Variants in DPYD observed in about 807,000 individuals in gnomAD.
DPYD encodes dihydropyrimidine dehydrogenase [NADP(+)].
DPYD carries 109 observed loss-of-function variants against 116.2 expected under a neutral mutation model. The ratio of observed to expected loss-of-function variants is 0.94; its 90% CI spans 0.80 to 1.10. The LOEUF (loss-of-function observed/expected upper bound fraction) is 1.10, where lower values mean the gene tolerates loss of function less well. Ranked by LOEUF, DPYD falls within the 50% of genes least tolerant of loss-of-function variation. DPYD has a pLI of 0.00. For missense variants in DPYD, 1,302 were observed against 1,254.5 expected, an observed-to-expected ratio of 1.04 and a Z score of -0.57; for synonymous variants, 440 against 432.0, an observed-to-expected ratio of 1.02 and a Z score of -0.23.
chr1:97,563,256 T>C (rs535432342), intron 11 of DPYD, among the ~76,000 whole-genome samples: 42 of 152,328 alleles, frequency 2.8e-4, no homozygotes, highest in African/African-American at 8.7e-4. Flanking sequence ...TTCACCAGCA[T>C]GTTAGGTTTC....
chr1:97,445,664 C>T (rs1676038642), intron 14 of DPYD, among the ~76,000 whole-genome samples: 1 of 151,970 alleles, frequency 6.6e-6, no homozygotes, highest in Non-Finnish European at 1.5e-5. Flanking sequence ...AACCTGCTTC[C>T]TAGCCCACAG....
intron 2 of DPYD, among the ~76,000 whole-genome samples, chr1:97,849,353 T>C (rs189864763): frequency 2.3e-4 from 35 of 152,340 alleles, no homozygotes; most frequent in Non-Finnish European, 4.3e-4. Context: ...GTATATGTAT[T>C]TCCTGAATTC....
intron 11 of DPYD, among the ~76,000 whole-genome samples, chr1:97,552,226 G>T (rs2102095887): frequency 6.6e-6 from 1 of 152,034 alleles, no homozygotes; most frequent in East Asian, 1.9e-4. Context: ...TACACTTCAG[G>T]CCTCATAAAA....
chr1:97,601,081 T>C (rs908798718), intron 8 of DPYD, among the ~76,000 whole-genome samples: 9 of 152,250 alleles, frequency 5.9e-5, no homozygotes, highest in South Asian at 2.1e-4. Flanking sequence ...TCAGACAGCA[T>C]TGACCTAGGG....
rs1462336157 is a variant in DPYD, at chr1:97,373,536, TAGTGGC to T, written c.2058+19_2058+24del. On this transcript the variant is annotated intron_variant, in intron 16 of 22. Transcript: ENST00000370192. The stretch of plus-strand genomic sequence containing the variant: ...GCCTGTTATGTCACACTGACATACT[TAGTGGC>T]AGCTGTCAAGGTCCTTACCTGCCCA... The T allele has an allele frequency of 6.2e-7, 1 of 1,603,106 alleles. No individual in the cohort carries two copies. The highest frequency in any genetic ancestry group is 1.3e-5 in the African/African-American group (1 of 74,712).
intron 1 of DPYD, among the ~76,000 whole-genome samples, chr1:97,920,179 G>C (rs1419063723): frequency 6.6e-6 from 1 of 152,120 alleles, no homozygotes; most frequent in Non-Finnish European, 1.5e-5. Context: ...ATACTAGAGA[G>C]AAAGGAAATG....
At chr1:97,643,966 G>A (rs1020370070) in intron 8 of DPYD, among the ~76,000 whole-genome samples, 1 of 152,042 alleles carries the variant, frequency 6.6e-6, no homozygotes, top group African/African-American at 2.4e-5. Context: ...ATAGCATTAG[G>A]AGAAATACCT....
intron 10 of DPYD, among the ~76,000 whole-genome samples, chr1:97,584,967 T>TAATAATAAA (rs1653988255): frequency 6.7e-6 from 1 of 149,280 alleles, no homozygotes; most frequent in Admixed American, 6.7e-5. Context: ...ATAATAATAA[T>TAATAATAAA]AAAGAAATAA....
Position 97,234,899 on chromosome 1 carries a change from CAG to C in DPYD, c.2393_2394del (p.Ser798CysfsTer2). 3 of 1,614,014 alleles carry C rather than the reference CAG, an allele frequency of 1.9e-6. No homozygotes were observed. Among genetic ancestry groups the C allele is most frequent in the Non-Finnish European group, 2.5e-6 (3 of 1,179,970 alleles). On this transcript the variant is annotated frameshift_variant, in exon 19 of 23. Transcript: ENST00000370192. LOFTEE classifies it high-confidence loss of function. The part of the protein sequence containing the change: ...FPILATGGID[S>X]AESGLQFLHS... ...TGGAGAAACTGAAGACCACTTTCAG[CAG>C]AGTCAATTCCACCAGTAGCCAAAAT...
chr1:97,888,294 C>A (rs1446501152), intron 1 of DPYD, among the ~76,000 whole-genome samples: 1 of 151,794 alleles, frequency 6.6e-6, no homozygotes, highest in East Asian at 1.9e-4. Context: ...AAAGACAGAT[C>A]AAGAGAGATT....
At chr1:97,182,482 A>G (rs1657712383) in intron 20 of DPYD, among the ~76,000 whole-genome samples, 1 of 152,122 alleles carries the variant, frequency 6.6e-6, no homozygotes, top group South Asian at 2.1e-4. Context: ...TGATCTGACT[A>G]CAATCATAGA....
intron 4 of DPYD, among the ~76,000 whole-genome samples, chr1:97,726,563 T>C (rs1286927594): frequency 1.3e-5 from 2 of 151,532 alleles, no homozygotes; most frequent in African/African-American, 2.4e-5. Flanking sequence ...ACAGAAACAC[T>C]TGATGTGATT....
chr1:97,385,662 T>C (rs1672302620), intron 14 of DPYD, among the ~76,000 whole-genome samples: 1 of 151,978 alleles, frequency 6.6e-6, no homozygotes, highest in South Asian at 2.1e-4. Flanking sequence ...TCACAGCATG[T>C]GCACCTCCCT....
At chr1:97,895,248 C>T (rs1306503247) in intron 1 of DPYD, among the ~76,000 whole-genome samples, 1 of 151,638 alleles carries the variant, frequency 6.6e-6, no homozygotes, top group African/African-American at 2.4e-5. Flanking sequence ...AAAATACTCT[C>T]ATTTACAAAA....
At chr1:97,830,742 C>T (rs1170267921) in intron 2 of DPYD, among the ~76,000 whole-genome samples, 1 of 151,418 alleles carries the variant, frequency 6.6e-6, no homozygotes, top group Non-Finnish European at 1.5e-5. Context: ...AGAAAGTGGA[C>T]ACGTGGACAC....
At chr1:97,554,851 T>C (rs1303571212) in intron 11 of DPYD, among the ~76,000 whole-genome samples, 1 of 152,152 alleles carries the variant, frequency 6.6e-6, no homozygotes, top group African/African-American at 2.4e-5. Context: ...CTTGATTCTG[T>C]ACCTTCCTGC....
Position 97,792,630 on chromosome 1 carries a change from T to C in DPYD, c.233+35484A>G, listed in dbSNP as rs150276580. 1.9e-4 allele frequency among the ~76,000 whole-genome samples: 29 copies of C among 152,340 alleles called. No individual in the cohort carries two copies. The East Asian group carries it at 5.0e-3, about 26-fold the overall frequency. On this transcript the variant is annotated intron_variant, in intron 3 of 22. Coordinates refer to ENST00000370192, the MANE Select transcript of DPYD (RefSeq NM_000110.4). ...CATAGTTTTCTCACTTAGTGTTTAC[T>C]GCATGCCATTATCATTATCTCCACT...
At chr1:97,629,055 C>A (rs969124748) in intron 8 of DPYD, among the ~76,000 whole-genome samples, 13 of 152,060 alleles carry the variant, frequency 8.5e-5, no homozygotes, top group African/African-American at 2.9e-4. Context: ...AACAATCACA[C>A]AAGTTGGATG....
chr1:97,383,035 T>A (rs906943473), intron 14 of DPYD, among the ~76,000 whole-genome samples: 10 of 152,198 alleles, frequency 6.6e-5, no homozygotes, highest in African/African-American at 1.9e-4. Context: ...ATGGAGACTG[T>A]ATAGAGTAGT....
Sources: gnomAD v4.1 joint callset for allele counts (sites outside exome capture counted in the v4.1 genomes callset) on GRCh38, gnomAD v4.1.1 for gene constraint, MANE v1.5 for transcripts, NCBI Gene and HGNC (gene_info 2026-07-23, HGNC 2026-07-21) for gene names.